DDX51: variants seen among roughly 807,000 people sequenced by gnomAD.
DDX51 encodes DEAD-box helicase 51, also known as ATP-dependent RNA helicase DDX51.
DDX51 carries 67 observed loss-of-function variants against 74.6 expected under a neutral mutation model. The observed-to-expected ratio is 0.90, with a 90% CI of 0.74 to 1.10. The LOEUF (loss-of-function observed/expected upper bound fraction) is 1.10. DDX51 is among the 50% of genes least tolerant of loss of function. The pLI, the probability that DDX51 is intolerant of heterozygous loss-of-function variation, is 0.00. For synonymous variants in DDX51, 545 were observed against 402.9 expected (o/e 1.35, Z -4.22); for missense variants, 1,056 against 905.2 (o/e 1.17, Z -2.14).
In DDX51 at chr12:132,142,834, G is replaced by C; in HGVS notation, c.564C>G (p.Val188=). 1.2e-6 allele frequency: 2 copies of C among 1,612,976 alleles called. No homozygotes were observed. The highest frequency in any genetic ancestry group is 1.7e-6 in the Non-Finnish European group (2 of 1,180,028). The change falls in exon 3 of 15, where the codon GTC becomes GTG. Residue 188 remains valine (V), a synonymous_variant. Transcript: ENST00000397333. ...LPRWLAEPNC[V]RRNVTEDLVP... ...CCAGGTCTTCGGTGACATTCCTTCTGACACAGTTAGGCTCAGCCAGCCACC... is the reference window on the plus strand; with the variant it reads ...CCAGGTCTTCGGTGACATTCCTTCTCACACAGTTAGGCTCAGCCAGCCACC...
chr12:132,140,515 A>G lies in DDX51; in HGVS notation c.1581T>C (p.Phe527=), dbSNP rs761638678. The G allele has an allele frequency of 6.2e-7, 1 of 1,613,020 alleles. No individual in the cohort carries two copies. The highest frequency in any genetic ancestry group is 2.2e-5 in the East Asian group (1 of 44,882). ...SHRLFLLVQA[F]GGVDVAEFSS... The stretch of plus-strand genomic sequence containing the variant: ...AGAACTCAGCCACGTCCACACCCCC[A>G]AAAGCTTGCACCAGCAGGAAGAGCC... The change falls in exon 11 of 15, where the codon TTT becomes TTC. Residue 527 remains phenylalanine, a synonymous_variant. Coordinates refer to ENST00000397333, the MANE Select transcript of DDX51 (RefSeq NM_175066.4).
Position 132,141,909 on chromosome 12 carries a change from G to T in DDX51, c.936C>A (p.Val312=). The T allele has an allele frequency of 6.2e-7, 1 of 1,613,228 alleles. No homozygotes were observed. The highest frequency in any genetic ancestry group is 8.5e-7 in the Non-Finnish European group (1 of 1,180,012). ...NIYTDATPLR[V]SLVTGQKSLA... The stretch of plus-strand genomic sequence containing the variant: ...GAGACTTCTGTCCCGTAACCAGGGA[G>T]ACTCTCAGAGGTGTGGCATCTGTGT... The change falls in exon 6 of 15, where the codon GTC becomes GTA. Residue 312 remains valine, a synonymous_variant. Transcript: ENST00000397333.
chr12:132,142,256 A>G, intron 4 of DDX51, 21 bp downstream of exon 4: 1 of 1,611,538 alleles, frequency 6.2e-7, no homozygotes, highest in Non-Finnish European at 8.5e-7. Flanking sequence ...CGCTGTAGAG[A>G]AAGGGGACCC....
rs1247648951 is a variant in DDX51, at chr12:132,142,800, C to T, written c.598G>A (p.Glu200Lys). The T allele has an allele frequency of 1.9e-6, 3 of 1,613,056 alleles. No individual in the cohort carries two copies. Among genetic ancestry groups the T allele is most frequent in the Non-Finnish European group, 2.5e-6 (3 of 1,180,008 alleles). Residue 200 changes from glutamate to lysine, a missense_variant, in exon 3 of 15, where the codon GAG becomes AAG. By Grantham distance (56) the Glu-to-Lys change is moderately conservative. Coordinates refer to ENST00000397333, the MANE Select transcript of DDX51 (RefSeq NM_175066.4). ...TCAGGATGGACGTCAGGGATGTCCTCGATAGGAACCAGGTCTTCGGTGACA... is the reference window on the plus strand; with the variant it reads ...TCAGGATGGACGTCAGGGATGTCCTTGATAGGAACCAGGTCTTCGGTGACA... ...RNVTEDLVPI[E>K]DIPDVHPDLQ...
chr12:132,142,270 C>G lies in DDX51; in HGVS notation c.816+7G>C, dbSNP rs778131181. 4 of 1,612,598 alleles carry G rather than the reference C, an allele frequency of 2.5e-6. No homozygotes were observed. In the South Asian group the frequency reaches 4.4e-5, roughly 18 times the overall value. ...CCGCTGTAGAGAAAGGGGACCCTCA[C>G]ACAGACCTGCACCACAGGGATGACG... is the stretch of plus-strand genomic sequence containing the variant. On this transcript the variant is annotated splice_region_variant and intron_variant, in intron 4 of 14. Coordinates refer to ENST00000397333, the MANE Select transcript of DDX51 (RefSeq NM_175066.4).
At chr12:132,141,177 A>C (rs1897443777) in intron 8 of DDX51, 98 bp downstream of exon 8, 1 of 1,507,450 alleles carries the variant, frequency 6.6e-7, no homozygotes. Context: ...TGTGCACCAG[A>C]GCTCAAGCCA....
At chr12:132,142,562 A>T (rs2136678519) in intron 3 of DDX51, 140 bp from the exon 4 acceptor site, 1 of 1,470,574 alleles carries the variant, frequency 6.8e-7, no homozygotes, top group East Asian at 2.4e-5. Flanking sequence ...CAAGGCCCAG[A>T]GGAACGCCAG....
At position 132,141,873 on chromosome 12, in the gene DDX51, C is replaced by T. The variant is rs866867846; in HGVS notation, c.972G>A (p.Glu324=). Residue 324 remains glutamate (E), a synonymous_variant, in exon 6 of 15, where the codon GAG becomes GAA. Transcript: ENST00000397333. The stretch of plus-strand genomic sequence containing the variant: ...ACGTTTTCTGGACGAGGCTCTCCTG[C>T]TCCTTGGCCAGAGACTTCTGTCCCG... ...LVTGQKSLAK[E]QESLVQKTAD... is the part of the protein sequence containing the mutation. 6.2e-7 allele frequency: 1 copy of T among 1,613,196 alleles called. No homozygotes were observed. The highest frequency in any genetic ancestry group is 1.7e-4 in the Middle Eastern group (1 of 6,058).
chr12:132,143,580 C>T, intron 2 of DDX51, 115 bp downstream of exon 2: 2 of 1,356,112 alleles, frequency 1.5e-6, no homozygotes, highest in Non-Finnish European at 2.0e-6. Context: ...CAGCGAGGCG[C>T]GGCTGTGACC....
In DDX51 at chr12:132,140,029, G is replaced by A. The variant is rs865926838; in HGVS notation, c.1775+69C>T. 3.3e-5 allele frequency: 53 copies of A among 1,604,588 alleles called. No homozygotes were observed. In the African/African-American group the frequency reaches 3.9e-4, roughly 12 times the overall value. On this transcript the variant is annotated intron_variant, in intron 12 of 14. Coordinates refer to ENST00000397333, the MANE Select transcript of DDX51 (RefSeq NM_175066.4). Reference sequence around the variant, plus strand: ...AACCCCACCCCACGCCAGTCAAGACGGTCCCACATCAACGCCCAGGAGCTC... The same window carrying A: ...AACCCCACCCCACGCCAGTCAAGACAGTCCCACATCAACGCCCAGGAGCTC...
chr12:132,143,198 C>T (rs1312028407), intron 2 of DDX51: 2 of 435,548 alleles, frequency 4.6e-6, no homozygotes, highest in East Asian at 1.0e-4. Flanking sequence ...TGCCTGGCAC[C>T]CCCAACCCCC....
intron 14 of DDX51, 160 bp downstream of exon 14, chr12:132,139,475 G>T: frequency 6.5e-7 from 1 of 1,540,728 alleles, no homozygotes; most frequent in Non-Finnish European, 8.9e-7. Context: ...GGTGCCCAGG[G>T]GCTCCCCGCC....
chr12:132,142,054 C>A (rs753711551), intron 5 of DDX51, 65 bp downstream of exon 5: 2 of 1,589,604 alleles, frequency 1.3e-6, no homozygotes, highest in South Asian at 1.1e-5. Context: ...AGGGGCTGAT[C>A]GCTGTGCACT....
rs772031810 is a variant in DDX51, at chr12:132,140,632, T to C, written c.1544A>G (p.Glu515Gly). ...GCCGGGGCCTCACCTGTGGGAGTTC[T>C]CTCGGGAGTTAGTGAAGCAGAGAAC... ...SRVLCFTNSR[E>G]NSHRLFLLVQ... Residue 515 changes from glutamate (E) to glycine (G), a missense_variant, in exon 10 of 15, where the codon GAG becomes GGG. By Grantham distance (98) the Glu-to-Gly change is moderately conservative. Coordinates refer to ENST00000397333, the MANE Select transcript of DDX51 (RefSeq NM_175066.4). The C allele has an allele frequency of 6.2e-7, 1 of 1,612,856 alleles. No individual in the cohort carries two copies. The highest frequency in any genetic ancestry group is 8.5e-7 in the Non-Finnish European group (1 of 1,179,992).
chr12:132,142,111 C>T lies in DDX51; in HGVS notation c.888+8G>A. The T allele has an allele frequency of 3.9e-6, 6 of 1,551,454 alleles. No homozygotes were observed. Among genetic ancestry groups the T allele is most frequent in the Non-Finnish European group, 5.2e-6 (6 of 1,149,036 alleles). The stretch of plus-strand genomic sequence containing the variant: ...CGGTGCCACGCTCCAGGTCTAGGGT[C>T]CACATACCTGCTGGGCCAGCTCCTT... On this transcript the variant is annotated splice_region_variant and intron_variant, in intron 5 of 14. Transcript: ENST00000397333.
chr12:132,143,395 C>A lies in DDX51; in HGVS notation c.519+300G>T, dbSNP rs564104800. ...AACGGTCAGGAGCTTGCAGAACGGC[C>A]TCTGACTTACTCCTGAGGCGGTGAG... is the stretch of plus-strand genomic sequence containing the variant. On this transcript the variant is annotated intron_variant, in intron 2 of 14. Coordinates refer to ENST00000397333, the MANE Select transcript of DDX51 (RefSeq NM_175066.4). The A allele has an allele frequency of 8.8e-4, 470 of 536,770 alleles. 8 individuals carry two copies. In the South Asian group the frequency reaches 0.01, roughly 12 times the overall value. The allele number at this position is 536,770 out of a possible 1,614,324, so 33.3% of individuals were successfully genotyped here. A position where few individuals can be genotyped will look rare whatever the true frequency, so the allele number is the denominator to read the frequency against.
Position 132,140,178 on chromosome 12 carries a change from G to C in DDX51, c.1695C>G (p.Thr565=). ...CACCCTGCACGTCGATGCCTCGCGC[G>C]GTGGCGTCCGTGCTGATGAGCCTGC... ...KIQLLISTDA[T]ARGIDVQGVE... is the part of the protein sequence containing the mutation. Residue 565 remains threonine (T), a synonymous_variant, in exon 12 of 15, where the codon ACC becomes ACG. Transcript: ENST00000397333. The C allele has an allele frequency of 6.2e-7, 1 of 1,612,726 alleles. No homozygotes were observed. The highest frequency in any genetic ancestry group is 8.5e-7 in the Non-Finnish European group (1 of 1,179,898).
rs774667409 is a variant in DDX51 at position 132,140,105 on chromosome 12, C to T, written c.1768G>A (p.Val590Met). ...YDAPQYLRTY[V>M]HRVGRTARAG... is the part of the protein sequence containing the mutation. ...CGCTGCGCCAGCGCTCACCGGTGCA[C>T]GTAGGTTCTCAGGTACTGGGGGGCG... Residue 590 changes from valine (V) to methionine (M), a missense_variant, in exon 12 of 15, where the codon GTG (valine) becomes ATG (methionine). Physicochemically the swap from Val to Met is conservative, Grantham distance 21. Coordinates refer to ENST00000397333, the MANE Select transcript of DDX51 (RefSeq NM_175066.4). 9 of 1,612,586 alleles carry T rather than the reference C, an allele frequency of 5.6e-6. No homozygotes were observed. The highest frequency in any genetic ancestry group is 1.7e-5 in the Admixed American group (1 of 59,996).
chr12:132,140,268 G>C, intron 11 of DDX51, 69 bp from the exon 12 acceptor site: 6 of 1,574,564 alleles, frequency 3.8e-6, no homozygotes, highest in East Asian at 2.2e-5. Flanking sequence ...CCGGCCCTGC[G>C]GGGGGCAGCT....
Sources: gnomAD v4.1 joint callset for allele counts on GRCh38, gnomAD v4.1.1 for gene constraint, MANE v1.5 for transcripts, NCBI Gene and HGNC (gene_info 2026-07-23, HGNC 2026-07-21) for gene names.